COBL: variants seen among roughly 807,000 people sequenced by gnomAD.
COBL encodes cordon-bleu WH2 repeat protein, also known as protein cordon-bleu.
COBL carries 51 observed loss-of-function variants against 98.8 expected under a neutral mutation model. That is an observed-to-expected ratio of 0.52 (90% CI 0.41 to 0.65). The LOEUF is 0.65. COBL is among the 30% of genes least tolerant of loss of function. The probability of loss-of-function intolerance (pLI) is 0.00; values close to 1 mark genes in which losing one functional copy is unlikely to be tolerated. For synonymous variants in COBL, 634 were observed against 651.7 expected, an observed-to-expected ratio of 0.97 and a Z score of 0.41; for missense variants, 1,617 against 1,617.5, an observed-to-expected ratio of 1.00 and a Z score of 0.01.
chr7:51,018,896 AAAAAAAAAAAT>A lies in COBL; in HGVS notation c.3769-1339_3769-1329del, dbSNP rs1156842170. ...ACAAGAGAGAAACTCCATCTCAAAA[AAAAAAAAAAAT>A]ATATATATATATATATATATATATA... On this transcript the variant is annotated intron_variant, in intron 12 of 12. Coordinates refer to ENST00000265136, the MANE Select transcript of COBL (RefSeq NM_015198.5). Among the ~76,000 whole-genome samples the A allele has an allele frequency of 3.9e-4, 20 of 51,148 alleles. 2 individuals are homozygous for A. Among genetic ancestry groups the A allele is most frequent in the African/African-American group, 1.6e-3 (20 of 12,414 alleles). 33.6% of individuals were successfully genotyped at this position (51,148 alleles called of 152,430 possible).
At chr7:51,223,110 T>C (rs994882312) in intron 1 of COBL, among the ~76,000 whole-genome samples, 26 of 152,326 alleles carry the variant, frequency 1.7e-4, no homozygotes, top group Admixed American at 7.2e-4. Context: ...GCTGTTGTCT[T>C]CTCAGGCCTG....
intron 1 of COBL, among the ~76,000 whole-genome samples, chr7:51,310,923 T>C (rs10250680): frequency 0.011 from 1,739 of 152,088 alleles, 27 homozygotes; most frequent in African/African-American, 0.039. Flanking sequence ...CCCAAAGTGC[T>C]GGGATTACAG....
chr7:51,107,084 GT>G (rs202161212), intron 6 of COBL, among the ~76,000 whole-genome samples: 7 of 109,312 alleles, frequency 6.4e-5, no homozygotes, highest in Non-Finnish European at 1.3e-4. Context: ...TGTGATCCTA[GT>G]TTGTTTGTTT....
chr7:51,073,252 T>C, intron 7 of COBL: 1 of 588,698 alleles, frequency 1.7e-6, no homozygotes, highest in Non-Finnish European at 3.1e-6. Flanking sequence ...TGAGCCCTTT[T>C]ATCCTGAAAG....
chr7:51,049,935 T>C (rs746357855), intron 7 of COBL, among the ~76,000 whole-genome samples: 1 of 152,232 alleles, frequency 6.6e-6, no homozygotes, highest in African/African-American at 2.4e-5. Flanking sequence ...TTTTCTCTAA[T>C]TGATTTCCTA....
At chr7:51,272,451 C>G (rs1056130546) in intron 1 of COBL, among the ~76,000 whole-genome samples, 2 of 152,278 alleles carry the variant, frequency 1.3e-5, no homozygotes, top group Admixed American at 1.3e-4. Flanking sequence ...GCCAGAACTA[C>G]AAAATAGTTA....
In COBL at chr7:51,176,853, T is replaced by G. The variant is rs147876602; in HGVS notation, c.783+7249A>C. ...TGTACACGTCTGTGTTTGTATATTGTCTACATGGTACCAAACTGACTTATA... is the reference window on the plus strand; with the variant it reads ...TGTACACGTCTGTGTTTGTATATTGGCTACATGGTACCAAACTGACTTATA... On this transcript the variant is annotated intron_variant, in intron 5 of 12. Transcript: ENST00000265136. 2.7e-3 allele frequency among the ~76,000 whole-genome samples: 412 copies of G among 152,342 alleles called. 4 individuals are homozygous for G. Among genetic ancestry groups the G allele is most frequent in the African/African-American group, 9.5e-3 (394 of 41,566 alleles).
At chr7:51,148,798 G>A (rs1185889167) in intron 5 of COBL, among the ~76,000 whole-genome samples, 2 of 152,150 alleles carry the variant, frequency 1.3e-5, no homozygotes, top group Non-Finnish European at 2.9e-5. Context: ...AGCGGGGGCT[G>A]TAGCAGAGGC....
At chr7:51,208,963 G>A (rs571478171) in intron 2 of COBL, among the ~76,000 whole-genome samples, 101 of 140,974 alleles carry the variant, frequency 7.2e-4, no homozygotes, top group African/African-American at 2.6e-3. Context: ...TTGTTCACTT[G>A]TTTATCTGCT....
intron 1 of COBL, among the ~76,000 whole-genome samples, chr7:51,301,518 C>T (rs921092543): frequency 3.3e-5 from 5 of 152,220 alleles, no homozygotes; most frequent in African/African-American, 1.2e-4. Flanking sequence ...CCGTGTCCTA[C>T]CAGCCGTCCC....
At chr7:51,131,365 ATAATGAAAAC>A (rs915488898) in intron 6 of COBL, among the ~76,000 whole-genome samples, 8 of 152,362 alleles carry the variant, frequency 5.3e-5, no homozygotes, top group African/African-American at 1.9e-4. Flanking sequence ...ATATTTGTGG[ATAATGAAAAC>A]TAAAATTAGA....
At chr7:51,239,077 CTGT>C (rs1243134285) in intron 1 of COBL, among the ~76,000 whole-genome samples, 1 of 152,162 alleles carries the variant, frequency 6.6e-6, no homozygotes, top group Admixed American at 6.5e-5. Context: ...ACTGATTTCA[CTGT>C]TATCTGTACC....
At chr7:51,084,255 CTT>C (rs2128938684) in intron 7 of COBL, among the ~76,000 whole-genome samples, 1 of 152,254 alleles carries the variant, frequency 6.6e-6, no homozygotes, top group South Asian at 2.1e-4. Flanking sequence ...CTCAGAAGGA[CTT>C]TCCCTCCTGC....
intron 8 of COBL, among the ~76,000 whole-genome samples, chr7:51,036,957 T>C (rs574607737): frequency 4.6e-5 from 7 of 152,284 alleles, no homozygotes; most frequent in African/African-American, 1.7e-4. Context: ...TATAGCAAGG[T>C]TGCTTTCAGA....
At chr7:51,195,423 T>C (rs1454059522) in intron 2 of COBL, among the ~76,000 whole-genome samples, 1 of 152,198 alleles carries the variant, frequency 6.6e-6, no homozygotes, top group Non-Finnish European at 1.5e-5. Flanking sequence ...TGTAGCCCTA[T>C]AGTATAGTTT....
intron 5 of COBL, among the ~76,000 whole-genome samples, chr7:51,182,104 T>C (rs1283117350): frequency 6.6e-6 from 1 of 152,128 alleles, no homozygotes; most frequent in Non-Finnish European, 1.5e-5. Context: ...ACTTGAGGTC[T>C]AAGGGTGAGG....
At chr7:51,273,519 G>A (rs1180333054) in intron 1 of COBL, among the ~76,000 whole-genome samples, 1 of 152,120 alleles carries the variant, frequency 6.6e-6, no homozygotes, top group Non-Finnish European at 1.5e-5. Flanking sequence ...ACATTCCTAA[G>A]GAAGTCATCA....
chr7:51,120,651 G>A (rs1334665044), intron 6 of COBL, among the ~76,000 whole-genome samples: 2 of 151,598 alleles, frequency 1.3e-5, no homozygotes, highest in African/African-American at 4.9e-5. Context: ...CCACCCCCCA[G>A]GCCCTGGCAA....
intron 7 of COBL, among the ~76,000 whole-genome samples, chr7:51,074,588 A>G (rs1792881448): frequency 6.6e-6 from 1 of 152,254 alleles, no homozygotes; most frequent in Non-Finnish European, 1.5e-5. Context: ...AAGTTCTTCA[A>G]CATGGTTTTT....
Sources: allele counts gnomAD v4.1 joint callset (sites outside exome capture counted in the v4.1 genomes callset), GRCh38; gene constraint gnomAD v4.1.1; transcripts MANE v1.5; gene names NCBI Gene and HGNC (gene_info 2026-07-23, HGNC 2026-07-21).